Variants in TOX3 observed in about 807,000 individuals in gnomAD.
The protein encoded by TOX3 is CAG trinucleotide repeat-containing gene F9 protein.
TOX3 carries 22 observed loss-of-function variants against 64.3 expected under a neutral mutation model. That is an observed-to-expected ratio of 0.34 (90% CI 0.24 to 0.49). The LOEUF is 0.49. TOX3 is among the 20% of genes least tolerant of loss of function. The pLI is 0.99. For synonymous variants in TOX3, 291 were observed against 273.6 expected (o/e 1.06, Z -0.63); for missense variants, 661 against 714.4 (o/e 0.93, Z 0.85).
chr16:52,456,051 T>A (rs1226362975), intron 3 of TOX3, among the ~76,000 whole-genome samples: 1 of 152,086 alleles, frequency 6.6e-6, no homozygotes, highest in Non-Finnish European at 1.5e-5. Context: ...GACAGTCCAG[T>A]GTGACTGGGC....
At chr16:52,523,400 T>C (rs1010731798) in intron 1 of TOX3, among the ~76,000 whole-genome samples, 6 of 152,128 alleles carry the variant, frequency 3.9e-5, no homozygotes, top group Non-Finnish European at 5.9e-5. Flanking sequence ...CAGGGAGCCA[T>C]TGGAGAGCTC....
At chr16:52,499,674 G>A (rs753478938) in intron 1 of TOX3, among the ~76,000 whole-genome samples, 7 of 152,126 alleles carry the variant, frequency 4.6e-5, no homozygotes, top group South Asian at 2.1e-4. Flanking sequence ...ACAGGAGTCC[G>A]GAAAGATCTA....
rs987897393 is a variant in TOX3, at chr16:52,444,324, T to C, written c.939A>G (p.Lys313=). ...VYKRKTEAAK[K]EYLKALAAYR... ...ATGCCGCCAGGGCCTTCAGGTATTC[T>C]TTTTTGGCAGCTTCTGTTTTCCTTT... Residue 313 remains lysine (K), a synonymous_variant, in exon 6 of 7, where the codon AAA becomes AAG. Coordinates refer to ENST00000219746, the MANE Select transcript of TOX3 (RefSeq NM_001080430.4). The C allele has an allele frequency of 1.9e-6, 3 of 1,588,176 alleles. No individual in the cohort carries two copies. Among genetic ancestry groups the C allele is most frequent in the Non-Finnish European group, 8.6e-7 (1 of 1,165,404 alleles).
intron 1 of TOX3, among the ~76,000 whole-genome samples, chr16:52,506,369 G>C (rs1394618944): frequency 6.6e-6 from 1 of 152,194 alleles, no homozygotes; most frequent in Non-Finnish European, 1.5e-5. Context: ...GATAGAACGA[G>C]AAGGTAAACC....
chr16:52,504,701 A>T (rs1962111235), intron 1 of TOX3, among the ~76,000 whole-genome samples: 1 of 152,112 alleles, frequency 6.6e-6, no homozygotes, highest in Admixed American at 6.5e-5. Flanking sequence ...CAAGTAAAGG[A>T]TCAATGAGAC....
intron 1 of TOX3, among the ~76,000 whole-genome samples, chr16:52,499,787 G>A (rs1478497861): frequency 6.6e-6 from 1 of 152,206 alleles, no homozygotes; most frequent in Non-Finnish European, 1.5e-5. Flanking sequence ...GCAGGCAGAG[G>A]GTGAACACAG....
chr16:52,539,019 A>C (rs1481047592), intron 1 of TOX3, among the ~76,000 whole-genome samples: 1 of 152,102 alleles, frequency 6.6e-6, no homozygotes, highest in African/African-American at 2.4e-5. Flanking sequence ...TTGAGTTTGT[A>C]AGTATACTCA....
chr16:52,443,550 C>A (rs1276677168), intron 6 of TOX3, among the ~76,000 whole-genome samples: 1 of 152,072 alleles, frequency 6.6e-6, no homozygotes, highest in African/African-American at 2.4e-5. Flanking sequence ...AAATTGTATC[C>A]CTACTTGTCA....
intron 1 of TOX3, among the ~76,000 whole-genome samples, chr16:52,539,669 G>T (rs1341803169): frequency 6.6e-6 from 1 of 152,104 alleles, no homozygotes; most frequent in Non-Finnish European, 1.5e-5. Flanking sequence ...TCCATCTTTG[G>T]TTGTTCAGCC....
intron 6 of TOX3, among the ~76,000 whole-genome samples, chr16:52,442,951 G>A (rs1116205): frequency 0.26 from 38,981 of 151,982 alleles, 6,224 homozygotes; most frequent in Non-Finnish European, 0.36. Context: ...TCCCCTCTAA[G>A]TCAGTCACAG....
chr16:52,523,281 GATC>G (rs1962651222), intron 1 of TOX3, among the ~76,000 whole-genome samples: 1 of 152,152 alleles, frequency 6.6e-6, no homozygotes, highest in African/African-American at 2.4e-5. Flanking sequence ...GTTTCCAAGT[GATC>G]AAGAAGAGCG....
intron 4 of TOX3, among the ~76,000 whole-genome samples, chr16:52,447,236 A>G (rs1229683870): frequency 6.6e-6 from 1 of 152,220 alleles, no homozygotes; most frequent in Admixed American, 6.5e-5. Context: ...TTTGCAGTTA[A>G]CTTCATCAAG....
intron 1 of TOX3, chr16:52,519,721 G>T: frequency 3.1e-6 from 2 of 654,556 alleles, no homozygotes; most frequent in African/African-American, 3.6e-5. Flanking sequence ...ACTTTGGGAG[G>T]CCAACACAGC....
Position 52,444,368 on chromosome 16 carries a change from C to T in TOX3, c.907-12G>A, listed in dbSNP as rs1261354389. 7 of 1,548,784 alleles carry T rather than the reference C, an allele frequency of 4.5e-6. No homozygotes were observed. The African/African-American group carries it at 8.2e-5, about 18-fold the overall frequency. Reference sequence around the variant, plus strand: ...TTCCTTTTATATACCTATTAAAAGACCACAATTAGCACCACCTTTAGCGTA... The same window carrying T: ...TTCCTTTTATATACCTATTAAAAGATCACAATTAGCACCACCTTTAGCGTA... On this transcript the variant is annotated splice_polypyrimidine_tract_variant and intron_variant, in intron 5 of 6. Transcript: ENST00000219746.
rs1322731916 is a variant in TOX3 at position 52,546,681 on chromosome 16, T to C, written c.43A>G (p.Ser15Gly). The C allele has an allele frequency of 1.9e-6, 3 of 1,543,736 alleles. No homozygotes were observed. Among genetic ancestry groups the C allele is most frequent in the Admixed American group, 1.9e-5 (1 of 51,730 alleles). The stretch of plus-strand genomic sequence containing the variant: ...CCCAGGCACTGCGCGAAGTCCAGGC[T>C]GGCAGGGTCCCCGGCCGCCGCGGGG... ...FYPAAAGDPASLDFAQCLGYY... is the reference protein window; with the variant it reads ...FYPAAAGDPAGLDFAQCLGYY... The change falls in exon 1 of 7, where the codon AGC becomes GGC. Residue 15 changes from serine to glycine, a missense_variant. Physicochemically the swap from Ser to Gly is moderately conservative, Grantham distance 56 (BLOSUM62 0). Transcript: ENST00000219746.
intron 1 of TOX3, among the ~76,000 whole-genome samples, chr16:52,513,184 G>A (rs1291071659): frequency 6.6e-6 from 1 of 152,194 alleles, no homozygotes; most frequent in Non-Finnish European, 1.5e-5. Context: ...AAGGGCATAG[G>A]CTGTAGAAAA....
chr16:52,488,746 C>G (rs971656775), intron 1 of TOX3, among the ~76,000 whole-genome samples: 5 of 152,110 alleles, frequency 3.3e-5, no homozygotes, highest in African/African-American at 1.2e-4. Flanking sequence ...GTACTGAGCT[C>G]TCATTATGGA....
chr16:52,439,492 CTGCTGCATGTGG>C lies in TOX3; in HGVS notation c.1452_1463del (p.His484_Gln487del). On this transcript the variant is annotated inframe_deletion, in exon 7 of 7. Coordinates refer to ENST00000219746, the MANE Select transcript of TOX3 (RefSeq NM_001080430.4). The stretch of plus-strand genomic sequence containing the variant: ...GATGCTGCTGCTGCTGCTGCAGGTG[CTGCTGCATGTGG>C]TGCTGGAAATGCTGCTGCTGCATCT... 3 of 1,412,088 alleles carry C rather than the reference CTGCTGCATGTGG, an allele frequency of 2.1e-6. No homozygotes were observed. Among genetic ancestry groups the C allele is most frequent in the Non-Finnish European group, 2.9e-6 (3 of 1,020,456 alleles). 87.5% of individuals were successfully genotyped at this position (1,412,088 alleles called of 1,614,324 possible).
chr16:52,485,085 A>ATGTG (rs1187344683), intron 1 of TOX3, among the ~76,000 whole-genome samples: 1 of 150,066 alleles, frequency 6.7e-6, no homozygotes, highest in East Asian at 2.0e-4. Context: ...ATATACATGT[A>ATGTG]TGTGTGTGTA....
Sources: gnomAD v4.1 joint callset for allele counts (sites outside exome capture counted in the v4.1 genomes callset) on GRCh38, gnomAD v4.1.1 for gene constraint, MANE v1.5 for transcripts, NCBI Gene and HGNC (gene_info 2026-07-23, HGNC 2026-07-21) for gene names.